The following CSMD1 variants were observed in gnomAD, a reference collection of about 807,000 sequenced individuals.
CSMD1 encodes the protein CUB and Sushi multiple domains 1.
Under a neutral mutation model 417.5 loss-of-function variants are expected in CSMD1, and 213 were observed. The observed-to-expected ratio is 0.51, with a 90% CI of 0.46 to 0.57. CSMD1 has a LOEUF of 0.57. Among genes scored for constraint, CSMD1 ranks in the 20% least tolerant of loss-of-function variants. The probability of loss-of-function intolerance (pLI) is 0.00; values close to 1 mark genes in which losing one functional copy is unlikely to be tolerated. For synonymous variants in CSMD1, 2,862 were observed against 1,736.8 expected, an observed-to-expected ratio of 1.65 and a Z score of -16.11; for missense variants, 6,923 against 4,529.7, an observed-to-expected ratio of 1.53 and a Z score of -15.17.
rs987964747 is a variant in CSMD1, at chr8:4,803,172, A to C, written c.86-165614T>G. On this transcript the variant is annotated intron_variant, in intron 1 of 69. Coordinates refer to ENST00000635120, the MANE Select transcript of CSMD1 (RefSeq NM_033225.6). ...ATATATGAATATAAGCTATTTGTTAATATTCTTTAAGTTGATCCTGGCCAC... is the reference window on the plus strand; with the variant it reads ...ATATATGAATATAAGCTATTTGTTACTATTCTTTAAGTTGATCCTGGCCAC... 2.0e-5 allele frequency among the ~76,000 whole-genome samples: 3 copies of C among 152,160 alleles called. No individual in the cohort carries two copies. In the East Asian group the frequency reaches 5.8e-4, roughly 29 times the overall value.
intron 10 of CSMD1, among the ~76,000 whole-genome samples, chr8:3,519,843 T>C (rs948179707): frequency 6.6e-6 from 1 of 152,090 alleles, no homozygotes; most frequent in African/African-American, 2.4e-5. Flanking sequence ...GTATCAACCA[T>C]CCCATCAACC....
At chr8:4,564,027 T>G (rs1346640680) in intron 2 of CSMD1, among the ~76,000 whole-genome samples, 1 of 152,200 alleles carries the variant, frequency 6.6e-6, no homozygotes, top group Non-Finnish European at 1.5e-5. Flanking sequence ...GAGTTGCAAC[T>G]CATGGAAGCC....
intron 10 of CSMD1, among the ~76,000 whole-genome samples, chr8:3,501,525 T>A (rs1796600401): frequency 1.3e-5 from 2 of 152,190 alleles, no homozygotes; most frequent in South Asian, 2.1e-4. Flanking sequence ...AATAAGATAA[T>A]TTATAAATGC....
chr8:3,419,089 C>T (rs1813329225), intron 12 of CSMD1, among the ~76,000 whole-genome samples: 1 of 152,164 alleles, frequency 6.6e-6, no homozygotes, highest in Non-Finnish European at 1.5e-5. Context: ...GCTGAAACGC[C>T]AGCTAGGAAC....
chr8:4,384,050 A>G (rs942463746), intron 3 of CSMD1, among the ~76,000 whole-genome samples: 1 of 47,082 alleles, frequency 2.1e-5, no homozygotes, highest in African/African-American at 1.5e-4. Context: ...GGTCTTGTTC[A>G]GTGTTGTTTT....
intron 1 of CSMD1, among the ~76,000 whole-genome samples, chr8:4,781,078 T>C (rs1355716346): frequency 6.6e-6 from 1 of 152,220 alleles, no homozygotes; most frequent in Non-Finnish European, 1.5e-5. Flanking sequence ...TCCCGCCGTC[T>C]TGTTAAGATA....
intron 3 of CSMD1, among the ~76,000 whole-genome samples, chr8:4,162,567 A>G (rs1469335787): frequency 1.3e-5 from 2 of 152,076 alleles, no homozygotes; most frequent in Non-Finnish European, 2.9e-5. Context: ...AGTTACTTTG[A>G]TTTTTTAAAT....
At chr8:2,991,036 C>A (rs1281486646) in intron 54 of CSMD1, among the ~76,000 whole-genome samples, 1 of 152,200 alleles carries the variant, frequency 6.6e-6, no homozygotes, top group Non-Finnish European at 1.5e-5. Flanking sequence ...GCTGCAGATA[C>A]ACCAATTCAG....
chr8:4,173,120 C>G (rs1797857770), intron 3 of CSMD1, among the ~76,000 whole-genome samples: 2 of 152,050 alleles, frequency 1.3e-5, no homozygotes, highest in Admixed American at 1.3e-4. Flanking sequence ...GAGGAAGTAA[C>G]TATACAGTGC....
chr8:4,199,494 G>A (rs1366154648), intron 3 of CSMD1, among the ~76,000 whole-genome samples: 1 of 152,162 alleles, frequency 6.6e-6, no homozygotes, highest in African/African-American at 2.4e-5. Flanking sequence ...TAGGAATATG[G>A]TGTAAAATGT....
At chr8:3,779,400 C>T (rs890850031) in intron 5 of CSMD1, among the ~76,000 whole-genome samples, 5 of 152,094 alleles carry the variant, frequency 3.3e-5, no homozygotes, top group African/African-American at 1.2e-4. Context: ...ACCCTGTAAT[C>T]GATGAGCACT....
intron 2 of CSMD1, among the ~76,000 whole-genome samples, chr8:4,457,685 G>C (rs759789995): frequency 1.6e-4 from 24 of 152,094 alleles, no homozygotes; most frequent in African/African-American, 2.4e-4. Flanking sequence ...GAGCACTAGA[G>C]GTTCACATGG....
intron 5 of CSMD1, among the ~76,000 whole-genome samples, chr8:3,977,854 G>C (rs1391209356): frequency 2.0e-5 from 3 of 152,168 alleles, no homozygotes; most frequent in African/African-American, 7.2e-5. Context: ...AAATAACTAA[G>C]GAAAATAGGC....
chr8:4,098,330 T>C (rs1468983778), intron 3 of CSMD1, among the ~76,000 whole-genome samples: 10 of 152,198 alleles, frequency 6.6e-5, no homozygotes. Context: ...ACACTGAGAA[T>C]AAATGCGTAT....
Position 3,406,087 on chromosome 8 carries a change from T to A in CSMD1, c.2206A>T (p.Ile736Phe), listed in dbSNP as rs758923895. The A allele has an allele frequency of 1.2e-6, 2 of 1,613,946 alleles. No homozygotes were observed. Among genetic ancestry groups the A allele is most frequent in the Non-Finnish European group, 1.7e-6 (2 of 1,179,874 alleles). The change falls in exon 15 of 70, where the codon ATT (isoleucine) becomes TTT (phenylalanine). Residue 736 changes from isoleucine (I) to phenylalanine (F), a missense_variant. Transcript: ENST00000635120. ...TTCCCGTCTTGCAGTATGCAGGTAA[T>A]GGACTCGGATCCCTGGGTCTTGACA... ...GFVKTQGSES[I>F]TCILQDGNVV...
intron 10 of CSMD1, among the ~76,000 whole-genome samples, chr8:3,496,897 G>C (rs1269617931): frequency 6.6e-6 from 1 of 152,114 alleles, no homozygotes; most frequent in Non-Finnish European, 1.5e-5. Flanking sequence ...TTTCTTCATA[G>C]ACCCATTGGA....
At chr8:3,584,723 C>A (rs1160865916) in intron 9 of CSMD1, among the ~76,000 whole-genome samples, 1 of 152,156 alleles carries the variant, frequency 6.6e-6, no homozygotes, top group Non-Finnish European at 1.5e-5. Flanking sequence ...TACTATTTGT[C>A]TAAAGTGAAC....
chr8:3,177,490 A>G (rs181423307), intron 37 of CSMD1, among the ~76,000 whole-genome samples: 2 of 152,304 alleles, frequency 1.3e-5, no homozygotes, highest in Admixed American at 6.5e-5. Flanking sequence ...GTGACATAAG[A>G]TTATTTGAAG....
At chr8:2,975,178 T>C (rs530750835) in intron 55 of CSMD1, among the ~76,000 whole-genome samples, 4 of 152,300 alleles carry the variant, frequency 2.6e-5, no homozygotes, top group Admixed American at 6.5e-5. Context: ...TATTGATTCA[T>C]TTGTTCTTCA....
Sources: allele counts gnomAD v4.1 joint callset (sites outside exome capture counted in the v4.1 genomes callset), GRCh38; gene constraint gnomAD v4.1.1; transcripts MANE v1.5; gene names NCBI Gene and HGNC (gene_info 2026-07-23, HGNC 2026-07-21).